The following ME3 variants were observed in gnomAD, a reference collection of about 807,000 sequenced individuals.
The protein encoded by ME3 is NADP-dependent malic enzyme, mitochondrial.
In ME3, 48 loss-of-function variants were observed where a neutral mutation model predicts 68.9. That is an observed-to-expected ratio of 0.70 (90% CI 0.55 to 0.89). The LOEUF (loss-of-function observed/expected upper bound fraction) is 0.89. Ranked by LOEUF, ME3 falls within the 40% of genes least tolerant of loss-of-function variation. The pLI is 0.00. For synonymous variants in ME3, 320 were observed against 318.8 expected, an observed-to-expected ratio of 1.00 and a Z score of -0.04; for missense variants, 675 against 797.4, an observed-to-expected ratio of 0.85 and a Z score of 1.85.
intron 5 of ME3, among the ~76,000 whole-genome samples, chr11:86,499,244 A>G (rs1218147230): frequency 2.0e-5 from 3 of 152,148 alleles, no homozygotes; most frequent in African/African-American, 7.2e-5. Context: ...TGTAGGTTGC[A>G]GGAAGGGAAA....
chr11:86,554,865 A>G (rs1012507426), intron 4 of ME3, among the ~76,000 whole-genome samples: 3 of 152,240 alleles, frequency 2.0e-5, no homozygotes, highest in Non-Finnish European at 4.4e-5. Context: ...AGAAGTTTGT[A>G]TTCTAGTAGA....
intron 2 of ME3, among the ~76,000 whole-genome samples, chr11:86,571,250 G>A (rs1034120495): frequency 1.3e-5 from 2 of 152,170 alleles, no homozygotes; most frequent in African/African-American, 4.8e-5. Context: ...TAAATAAATG[G>A]ATGGATGGAT....
chr11:86,567,243 A>G (rs200455738), intron 2 of ME3, among the ~76,000 whole-genome samples: 110 of 144,578 alleles, frequency 7.6e-4, no homozygotes, highest in Middle Eastern at 3.5e-3. Flanking sequence ...GAAAAGAAAG[A>G]AAGGAAGGAA....
intron 2 of ME3, among the ~76,000 whole-genome samples, chr11:86,598,999 G>GA (rs1960102750): frequency 6.6e-6 from 1 of 152,126 alleles, no homozygotes; most frequent in South Asian, 2.1e-4. Context: ...CAAAGATGGG[G>GA]AAAAAACAGA....
At chr11:86,620,639 A>G (rs1451147724) in intron 2 of ME3, among the ~76,000 whole-genome samples, 1 of 152,244 alleles carries the variant, frequency 6.6e-6, no homozygotes, top group East Asian at 1.9e-4. Context: ...CAATCATTAA[A>G]GGGAGTTTAT....
At chr11:86,442,620 C>T (rs1337493172) in intron 14 of ME3, among the ~76,000 whole-genome samples, 1 of 152,006 alleles carries the variant, frequency 6.6e-6, no homozygotes, top group Non-Finnish European at 1.5e-5. Context: ...GGAGCTTTCC[C>T]AGAACTGGCC....
chr11:86,445,648 G>A (rs1949243402), intron 13 of ME3, among the ~76,000 whole-genome samples: 1 of 152,116 alleles, frequency 6.6e-6, no homozygotes, highest in African/African-American at 2.4e-5. Context: ...TAACTACCTG[G>A]TAATTTCAGC....
intron 4 of ME3, among the ~76,000 whole-genome samples, chr11:86,538,287 A>T (rs1050779018): frequency 6.6e-6 from 1 of 152,190 alleles, no homozygotes; most frequent in Non-Finnish European, 1.5e-5. Flanking sequence ...GAATACTGCT[A>T]CTTGCTTGTC....
intron 4 of ME3, among the ~76,000 whole-genome samples, chr11:86,547,311 T>TA (rs1251660126): frequency 5.3e-5 from 8 of 151,254 alleles, no homozygotes; most frequent in Non-Finnish European, 1.0e-4. Context: ...ATAAAAAGGT[T>TA]AAGTTCATGT....
chr11:86,621,795 AG>A (rs1943366025), intron 2 of ME3, among the ~76,000 whole-genome samples: 2 of 152,034 alleles, frequency 1.3e-5, no homozygotes, highest in Non-Finnish European at 2.9e-5. Flanking sequence ...GGGAGAGGGA[AG>A]GTCTGAGGAG....
chr11:86,628,774 A>C (rs1328166957), intron 2 of ME3, among the ~76,000 whole-genome samples: 1 of 152,198 alleles, frequency 6.6e-6, no homozygotes, highest in African/African-American at 2.4e-5. Flanking sequence ...CCGCAGTTGC[A>C]ACTCCTGCAC....
intron 8 of ME3, chr11:86,457,585 T>C: frequency 1.7e-6 from 2 of 1,189,882 alleles, no homozygotes; most frequent in Non-Finnish European, 2.1e-6. Flanking sequence ...TCTCCATCAT[T>C]AACCTGCATT....
At chr11:86,554,347 C>T (rs1301788537) in intron 4 of ME3, among the ~76,000 whole-genome samples, 1 of 152,120 alleles carries the variant, frequency 6.6e-6, no homozygotes, top group East Asian at 1.9e-4. Flanking sequence ...GATAAAGGTC[C>T]TCTTCAGGAA....
chr11:86,499,977 C>A (rs754587118), intron 5 of ME3, among the ~76,000 whole-genome samples: 4 of 152,250 alleles, frequency 2.6e-5, no homozygotes, highest in Non-Finnish European at 5.9e-5. Context: ...GTGAATGTGA[C>A]AGGGCAGGGT....
intron 6 of ME3, among the ~76,000 whole-genome samples, chr11:86,495,734 C>T (rs1039116325): frequency 2.6e-5 from 4 of 152,194 alleles, no homozygotes; most frequent in Non-Finnish European, 5.9e-5. Flanking sequence ...GTATCCATAT[C>T]TAACCTCCTG....
chr11:86,666,209 C>G (rs1000958863), intron 2 of ME3, among the ~76,000 whole-genome samples: 1 of 152,206 alleles, frequency 6.6e-6, no homozygotes, highest in Non-Finnish European at 1.5e-5. Context: ...TTCTGGCCAA[C>G]TGAATGTAAG....
At chr11:86,527,755 T>G (rs1366455030) in intron 4 of ME3, among the ~76,000 whole-genome samples, 1 of 152,168 alleles carries the variant, frequency 6.6e-6, no homozygotes, top group Non-Finnish European at 1.5e-5. Flanking sequence ...CCAGCCAAAC[T>G]AGCTTCATAA....
At chr11:86,536,837 G>A (rs561924154) in intron 4 of ME3, among the ~76,000 whole-genome samples, 3 of 152,182 alleles carry the variant, frequency 2.0e-5, no homozygotes, top group East Asian at 1.9e-4. Flanking sequence ...ACATGCACAC[G>A]TATGTTTATT....
chr11:86,595,395 G>C (rs150935010), intron 2 of ME3, among the ~76,000 whole-genome samples: 1,850 of 143,026 alleles, frequency 0.013, 163 homozygotes, highest in South Asian at 0.025. Flanking sequence ...TGACTTATAA[G>C]GTAAATACTA....
Sources: allele counts gnomAD v4.1 joint callset (sites outside exome capture counted in the v4.1 genomes callset), GRCh38; gene constraint gnomAD v4.1.1; transcripts MANE v1.5; gene names NCBI Gene and HGNC (gene_info 2026-07-23, HGNC 2026-07-21).